Variants in SYT1 observed in about 807,000 individuals in gnomAD.
SYT1 encodes the protein synaptotagmin 1, also known as synaptotagmin-1.
SYT1 carries 8 observed loss-of-function variants against 44.8 expected under a neutral mutation model. That is an observed-to-expected ratio of 0.18 (90% CI 0.10 to 0.32). The LOEUF (loss-of-function observed/expected upper bound fraction) is 0.32. Among genes scored for constraint, SYT1 ranks in the 10% least tolerant of loss-of-function variants. The probability of loss-of-function intolerance (pLI) is 1.00; values close to 1 mark genes in which losing one functional copy is unlikely to be tolerated. For synonymous variants in SYT1, 154 were observed against 188.8 expected, an observed-to-expected ratio of 0.82 and a Z score of 1.51; for missense variants, 286 against 509.3, an observed-to-expected ratio of 0.56 and a Z score of 4.22.
chr12:79,416,126 G>T (rs1056634468), intron 9 of SYT1, among the ~76,000 whole-genome samples: 1 of 152,134 alleles, frequency 6.6e-6, no homozygotes, highest in Non-Finnish European at 1.5e-5. Context: ...CTATTGAGAA[G>T]AAAACTAATA....
At chr12:79,448,262 A>C (rs536620203) in intron 10 of SYT1, among the ~76,000 whole-genome samples, 2 of 152,202 alleles carry the variant, frequency 1.3e-5, no homozygotes, top group South Asian at 2.1e-4. Flanking sequence ...TTACTCAGTA[A>C]ATGTTTACTA....
intron 3 of SYT1, among the ~76,000 whole-genome samples, chr12:79,213,087 G>A (rs1338633930): frequency 6.6e-6 from 1 of 152,144 alleles, no homozygotes; most frequent in African/African-American, 2.4e-5. Context: ...ATCAAATCAT[G>A]AGTGGATTGT....
intron 2 of SYT1, among the ~76,000 whole-genome samples, chr12:79,005,184 T>A (rs2137546063): frequency 6.6e-6 from 1 of 152,180 alleles, no homozygotes; most frequent in East Asian, 1.9e-4. Context: ...ATCCAACATG[T>A]GTTATAGGCC....
chr12:79,427,845 G>C (rs1417256940), intron 9 of SYT1, among the ~76,000 whole-genome samples: 1 of 152,210 alleles, frequency 6.6e-6, no homozygotes, highest in Non-Finnish European at 1.5e-5. Context: ...GCAGGAGCCA[G>C]ATCATTCAGG....
chr12:79,365,945 A>G (rs1424145062), intron 9 of SYT1, among the ~76,000 whole-genome samples: 1 of 152,056 alleles, frequency 6.6e-6, no homozygotes, highest in African/African-American at 2.4e-5. Context: ...CATTATTATG[A>G]TAACAACTTG....
At chr12:79,167,541 T>C (rs1383836378) in intron 3 of SYT1, among the ~76,000 whole-genome samples, 1 of 151,998 alleles carries the variant, frequency 6.6e-6, no homozygotes, top group African/African-American at 2.4e-5. Flanking sequence ...ATACGAAGAA[T>C]CACAGAATAA....
At chr12:78,891,923 T>C (rs1382720312) in intron 1 of SYT1, among the ~76,000 whole-genome samples, 4 of 151,896 alleles carry the variant, frequency 2.6e-5, no homozygotes, top group South Asian at 2.1e-4. Context: ...GTGCTGAGAA[T>C]TGTTCAAATA....
rs373264605 is a variant in SYT1 at position 78,929,446 on chromosome 12, A to AAAAAAAAAAAAAAAG, written c.-216-48353_-216-48352insAAAAAAAAAAAAAAG. On this transcript the variant is annotated intron_variant, in intron 1 of 10. Coordinates refer to ENST00000261205, the MANE Select transcript of SYT1 (RefSeq NM_005639.3). ...AAAAAAAAAAAAAAAAAAAAAAAAAAGGTTATTAGCAGCAATTAGTTTTAT... is the reference window on the plus strand; with the variant it reads ...AAAAAAAAAAAAAAAAAAAAAAAAAAAAAAAAAAAAAAAAGGGTTATTAGCAGCAATTAGTTTTAT... Among the ~76,000 whole-genome samples the AAAAAAAAAAAAAAAG allele has an allele frequency of 1.5e-3, 194 of 128,574 alleles. 45 individuals are homozygous for AAAAAAAAAAAAAAAG. Among genetic ancestry groups the AAAAAAAAAAAAAAAG allele is most frequent in the African/African-American group, 7.2e-3 (186 of 25,890 alleles). 84.3% of individuals were successfully genotyped at this position (128,574 alleles called of 152,430 possible). A position where few individuals can be genotyped will look rare whatever the true frequency, so the allele number is the denominator to read the frequency against.
At chr12:79,308,616 G>A (rs1396847057) in intron 8 of SYT1, among the ~76,000 whole-genome samples, 1 of 20,454 alleles carries the variant, frequency 4.9e-5, no homozygotes, top group South Asian at 9.6e-4. Context: ...GAAAGAAAAA[G>A]AAAGAAAGAA....
chr12:79,263,938 C>T (rs1214511655), intron 4 of SYT1, among the ~76,000 whole-genome samples: 2 of 151,288 alleles, frequency 1.3e-5, no homozygotes, highest in African/African-American at 2.4e-5. Flanking sequence ...ATTATGTACA[C>T]AGTAAAGGAC....
At chr12:79,360,045 A>C (rs1330984648) in intron 9 of SYT1, among the ~76,000 whole-genome samples, 1 of 152,176 alleles carries the variant, frequency 6.6e-6, no homozygotes, top group Non-Finnish European at 1.5e-5. Context: ...GGGAACCTGG[A>C]AATTGCCTTT....
chr12:79,032,427 T>A (rs976997551), intron 2 of SYT1, among the ~76,000 whole-genome samples: 2 of 151,258 alleles, frequency 1.3e-5, no homozygotes, highest in African/African-American at 4.8e-5. Context: ...AAACAATTTG[T>A]TGATGTTTGC....
intron 3 of SYT1, among the ~76,000 whole-genome samples, chr12:79,068,943 A>G (rs1876073072): frequency 6.6e-6 from 1 of 152,208 alleles, no homozygotes; most frequent in South Asian, 2.1e-4. Context: ...CATATCATAA[A>G]TAATGATACC....
chr12:79,351,308 G>A (rs367772680), intron 8 of SYT1, among the ~76,000 whole-genome samples: 1 of 152,118 alleles, frequency 6.6e-6, no homozygotes, highest in Non-Finnish European at 1.5e-5. Context: ...TCATAAGATT[G>A]AGGAATAAAA....
intron 2 of SYT1, among the ~76,000 whole-genome samples, chr12:78,984,892 A>G (rs1358325902): frequency 6.6e-6 from 1 of 151,980 alleles, no homozygotes; most frequent in African/African-American, 2.4e-5. Flanking sequence ...AAGAATTAAC[A>G]GGAAGGTGGA....
At chr12:79,105,429 G>T (rs1181966975) in intron 3 of SYT1, among the ~76,000 whole-genome samples, 1 of 152,118 alleles carries the variant, frequency 6.6e-6, no homozygotes, top group Non-Finnish European at 1.5e-5. Context: ...AATAAAACAG[G>T]AACTAGAGTT....
intron 3 of SYT1, among the ~76,000 whole-genome samples, chr12:79,117,815 C>A (rs2138119718): frequency 6.7e-6 from 1 of 149,694 alleles, no homozygotes; most frequent in African/African-American, 2.5e-5. Context: ...AGCCAGATAT[C>A]ATAAATGCAG....
At chr12:79,366,894 C>CTGTGTGGGTG (rs1883566484) in intron 9 of SYT1, among the ~76,000 whole-genome samples, 1 of 117,424 alleles carries the variant, frequency 8.5e-6, no homozygotes. Flanking sequence ...ATAAATAATA[C>CTGTGTGGGTG]TGTGTGTGTG....
intron 5 of SYT1, among the ~76,000 whole-genome samples, chr12:79,288,762 G>A (rs1161813500): frequency 6.6e-6 from 1 of 152,078 alleles, no homozygotes; most frequent in African/African-American, 2.4e-5. Flanking sequence ...TAATGTGTGT[G>A]GATATTTTAA....
Sources: allele counts gnomAD v4.1 joint callset (sites outside exome capture counted in the v4.1 genomes callset), GRCh38; gene constraint gnomAD v4.1.1; transcripts MANE v1.5; gene names NCBI Gene and HGNC (gene_info 2026-07-23, HGNC 2026-07-21).